The following ERC2 variants were observed in gnomAD, a reference collection of about 807,000 sequenced individuals.
ERC2 encodes the protein ERC protein 2.
ERC2 carries 42 observed loss-of-function variants against 114.8 expected under a neutral mutation model. That is an observed-to-expected ratio of 0.37 (90% CI 0.29 to 0.47). ERC2 has a LOEUF of 0.47. ERC2 is among the 20% of genes least tolerant of loss of function. The pLI is 0.99. For synonymous variants in ERC2, 454 were observed against 425.5 expected (o/e 1.07, Z -0.82); for missense variants, 939 against 1,150.7 (o/e 0.82, Z 2.66).
At chr3:56,143,824 T>C (rs1269621682) in intron 5 of ERC2, among the ~76,000 whole-genome samples, 3 of 152,242 alleles carry the variant, frequency 2.0e-5, no homozygotes, top group Admixed American at 2.0e-4. Flanking sequence ...ATATATTTCA[T>C]TCAGTATTTT....
At position 56,049,743 on chromosome 3, in the gene ERC2, C is replaced by T. The variant is rs1256488637; in HGVS notation, c.1642-30712G>A. On this transcript the variant is annotated intron_variant, in intron 7 of 17. Transcript: ENST00000288221. ...GGGACTCACACTGGCTTCCTTGCTC[C>T]TCAGCTTGCAGATGGACTATTGTGG... is the stretch of plus-strand genomic sequence containing the variant. Among the ~76,000 whole-genome samples the T allele has an allele frequency of 3.3e-5, 5 of 152,044 alleles. No homozygotes were observed. The East Asian group carries it at 9.7e-4, about 29-fold the overall frequency.
rs115073144 is a variant in ERC2 at position 55,721,505 on chromosome 3, A to G, written c.2712+13266T>C. Among the ~76,000 whole-genome samples, 716 of 152,352 alleles carry G rather than the reference A, an allele frequency of 4.7e-3. 5 individuals carry two copies. Among genetic ancestry groups the G allele is most frequent in the African/African-American group, 0.016 (671 of 41,586 alleles). On this transcript the variant is annotated intron_variant, in intron 15 of 17. Coordinates refer to ENST00000288221, the MANE Select transcript of ERC2 (RefSeq NM_015576.3). ...GGAATAATCTCAGACAATCAAAACT[A>G]CAAGGGCTTAGAGGTCTGTTAGCTT...
At chr3:55,759,355 G>A (rs899057719) in intron 14 of ERC2, among the ~76,000 whole-genome samples, 1 of 150,364 alleles carries the variant, frequency 6.7e-6, no homozygotes, top group Non-Finnish European at 1.5e-5. Context: ...TAAATCACTC[G>A]GGTTTCACTT....
chr3:55,722,728 G>T (rs1354555892), intron 15 of ERC2, among the ~76,000 whole-genome samples: 3 of 152,134 alleles, frequency 2.0e-5, no homozygotes. Context: ...GCCCACCTAA[G>T]TTTTGAAAAT....
chr3:55,669,571 T>C (rs548619242), intron 17 of ERC2, among the ~76,000 whole-genome samples: 1 of 152,346 alleles, frequency 6.6e-6, no homozygotes, highest in African/African-American at 2.4e-5. Context: ...CTTCAAAACA[T>C]GATTGTATTT....
chr3:55,813,338 C>G (rs1339522271), intron 14 of ERC2, among the ~76,000 whole-genome samples: 3 of 152,200 alleles, frequency 2.0e-5, no homozygotes, highest in Non-Finnish European at 4.4e-5. Flanking sequence ...ATATTGCAAG[C>G]ACTCAGAGGC....
intron 14 of ERC2, among the ~76,000 whole-genome samples, chr3:55,847,701 G>A (rs990054639): frequency 2.0e-5 from 3 of 152,196 alleles, no homozygotes; most frequent in Admixed American, 1.3e-4. Flanking sequence ...AAGAGAAAAA[G>A]AAAGGAAGTT....
At chr3:55,803,941 C>A (rs1659529400) in intron 14 of ERC2, among the ~76,000 whole-genome samples, 2 of 152,286 alleles carry the variant, frequency 1.3e-5, no homozygotes, top group Middle Eastern at 3.4e-3. Context: ...CCTAGAACTT[C>A]CTCAGAGCTC....
chr3:55,981,711 T>C (rs114854531), intron 12 of ERC2, among the ~76,000 whole-genome samples: 2,251 of 152,280 alleles, frequency 0.015, 47 homozygotes, highest in African/African-American at 0.05. Flanking sequence ...TGTCTTCATT[T>C]TTCTTGAACT....
intron 7 of ERC2, among the ~76,000 whole-genome samples, chr3:56,049,643 C>G (rs1445528667): frequency 2.0e-5 from 3 of 152,146 alleles, no homozygotes; most frequent in Non-Finnish European, 2.9e-5. Flanking sequence ...ATTTGCTTAG[C>G]CTTTCAGCCT....
chr3:56,325,605 A>G (rs2057326228), intron 2 of ERC2, among the ~76,000 whole-genome samples: 1 of 152,210 alleles, frequency 6.6e-6, no homozygotes, highest in African/African-American at 2.4e-5. Context: ...TCAGTGGTTC[A>G]TGAAAATTAT....
intron 16 of ERC2, among the ~76,000 whole-genome samples, chr3:55,690,558 A>C (rs2062588707): frequency 6.6e-6 from 1 of 152,148 alleles, no homozygotes; most frequent in South Asian, 2.1e-4. Flanking sequence ...ACCCCTGTTG[A>C]CTCAAAGGAT....
intron 16 of ERC2, among the ~76,000 whole-genome samples, chr3:55,691,312 G>A (rs1173595843): frequency 6.6e-6 from 1 of 151,704 alleles, no homozygotes; most frequent in Non-Finnish European, 1.5e-5. Context: ...GAGGCAAGTG[G>A]CTCTCAAGAG....
intron 17 of ERC2, among the ~76,000 whole-genome samples, chr3:55,512,526 G>A (rs1357957789): frequency 6.6e-6 from 1 of 152,140 alleles, no homozygotes. Context: ...CTTTTAAAGG[G>A]CTGACCAATA....
intron 2 of ERC2, among the ~76,000 whole-genome samples, chr3:56,337,342 T>C (rs919013571): frequency 4.6e-5 from 7 of 152,204 alleles, no homozygotes; most frequent in African/African-American, 1.7e-4. Context: ...ACTTTCAGTA[T>C]AGAGGTTAAG....
At chr3:55,644,382 A>T (rs2060307159) in intron 17 of ERC2, among the ~76,000 whole-genome samples, 1 of 152,226 alleles carries the variant, frequency 6.6e-6, no homozygotes, top group African/African-American at 2.4e-5. Context: ...GTGGCATGGT[A>T]TATGGACATA....
At chr3:55,999,036 C>A (rs1158346063) in intron 10 of ERC2, among the ~76,000 whole-genome samples, 2 of 127,402 alleles carry the variant, frequency 1.6e-5, no homozygotes, top group African/African-American at 2.8e-5. Flanking sequence ...ATTGAGGGAC[C>A]CAGAAGGTCT....
chr3:56,441,823 C>T (rs1183869938), intron 1 of ERC2, among the ~76,000 whole-genome samples: 3 of 152,004 alleles, frequency 2.0e-5, no homozygotes, highest in South Asian at 4.1e-4. Flanking sequence ...CTGGGATTAC[C>T]GGCGTGAGCC....
intron 14 of ERC2, among the ~76,000 whole-genome samples, chr3:55,747,483 A>C (rs1171029188): frequency 6.6e-6 from 1 of 152,230 alleles, no homozygotes; most frequent in African/African-American, 2.4e-5. Context: ...TCTGGAAATA[A>C]CTGAAAGTCC....
Sources: allele counts gnomAD v4.1 joint callset (sites outside exome capture counted in the v4.1 genomes callset), GRCh38; gene constraint gnomAD v4.1.1; transcripts MANE v1.5; gene names NCBI Gene and HGNC (gene_info 2026-07-23, HGNC 2026-07-21).